Variants in LRRC34 observed in about 807,000 individuals in gnomAD.
The protein encoded by LRRC34 is leucine-rich repeat-containing protein 34.
LRRC34 carries 44 observed loss-of-function variants against 48.5 expected under a neutral mutation model. The ratio of observed to expected loss-of-function variants is 0.91; its 90% CI spans 0.71 to 1.17. The LOEUF is 1.17. Among genes scored for constraint, LRRC34 ranks in the 50% most tolerant of loss-of-function variants. LRRC34 has a pLI of 0.00. For missense variants in LRRC34, 502 were observed against 563.0 expected (o/e 0.89, Z 1.10); for synonymous variants, 192 against 197.6 (o/e 0.97, Z 0.24).
intron 7 of LRRC34, among the ~76,000 whole-genome samples, chr3:169,800,159 C>T (rs755873200): frequency 6.6e-6 from 1 of 151,996 alleles, no homozygotes; most frequent in Non-Finnish European, 1.5e-5. Context: ...AGAAAGCCAC[C>T]CAGAAGGAGA....
intron 7 of LRRC34, among the ~76,000 whole-genome samples, chr3:169,798,006 T>C (rs1352866255): frequency 6.6e-6 from 1 of 152,218 alleles, no homozygotes; most frequent in African/African-American, 2.4e-5. Context: ...TTTGCTGAAA[T>C]TGCTTTGACA....
Position 169,812,838 on chromosome 3 carries a change from C to T in LRRC34, c.-290G>A. 1 of 407,174 alleles carries T rather than the reference C, an allele frequency of 2.5e-6. No individual in the cohort carries two copies. The highest frequency in any genetic ancestry group is 4.4e-6 in the Non-Finnish European group (1 of 228,930). 25.2% of individuals were successfully genotyped at this position (407,174 alleles called of 1,614,324 possible). ...AAGAAGATTATGACAAAGCCCGCTC[C>T]TACAAAGTGTGCACCGGCCTGCCGG... On this transcript the variant is annotated 5_prime_UTR_variant, in exon 1 of 11. Coordinates refer to ENST00000446859, the MANE Select transcript of LRRC34 (RefSeq NM_001172779.2). The surrounding 1 kb of genome is among the most constrained non-coding windows in gnomAD (Gnocchi z 4.3).
chr3:169,801,435 C>G (rs1214022400), intron 6 of LRRC34, among the ~76,000 whole-genome samples: 1 of 152,204 alleles, frequency 6.6e-6, no homozygotes, highest in Non-Finnish European at 1.5e-5. Context: ...CTCACCTGGA[C>G]TACTAAGTGG....
intron 6 of LRRC34, among the ~76,000 whole-genome samples, chr3:169,802,973 G>C (rs561753083): frequency 1.0e-4 from 15 of 150,734 alleles, no homozygotes; most frequent in African/African-American, 3.7e-4. Context: ...GTGAGACTCT[G>C]TCTCCAAAAA....
chr3:169,796,457 TTC>T (rs1778993086), intron 8 of LRRC34, 88 bp from the exon 9 acceptor site: 8 of 1,409,670 alleles, frequency 5.7e-6, no homozygotes, highest in Non-Finnish European at 7.7e-6. Context: ...AAACAGTACT[TTC>T]TGTTTTAGTA....
At chr3:169,800,801 A>G in intron 6 of LRRC34, 47 bp from the exon 7 acceptor site, 1 of 1,152,734 alleles carries the variant, frequency 8.7e-7, no homozygotes, top group Non-Finnish European at 1.2e-6. Context: ...GTATATAATA[A>G]TCTCGCTACA....
In LRRC34 at chr3:169,797,025, A is replaced by C. The variant is rs995389938; in HGVS notation, c.754-126T>G. 6 of 668,928 alleles carry C rather than the reference A, an allele frequency of 9.0e-6. No homozygotes were observed. In the Admixed American group the frequency reaches 1.7e-4, roughly 19 times the overall value. 41.4% of individuals were successfully genotyped at this position (668,928 alleles called of 1,614,324 possible). A position where few individuals can be genotyped will look rare whatever the true frequency, so the allele number is the denominator to read the frequency against. ...ATATTGGTTAAAACTGTTAGTCCACAATTTGCATTTGTTTGGTCTATCTTT... is the reference window on the plus strand; with the variant it reads ...ATATTGGTTAAAACTGTTAGTCCACCATTTGCATTTGTTTGGTCTATCTTT... On this transcript the variant is annotated intron_variant, in intron 7 of 10. Transcript: ENST00000446859.
intron 7 of LRRC34, among the ~76,000 whole-genome samples, chr3:169,797,631 T>A (rs1486836400): frequency 1.3e-5 from 2 of 152,234 alleles, no homozygotes; most frequent in African/African-American, 4.8e-5. Flanking sequence ...GATTGCTGTA[T>A]AACATAATAA....
chr3:169,811,670 T>A (rs1009704148), intron 1 of LRRC34, among the ~76,000 whole-genome samples: 1 of 152,194 alleles, frequency 6.6e-6, no homozygotes, highest in Non-Finnish European at 1.5e-5. Context: ...AAACATGCTT[T>A]TCTATACTTA....
rs770568612 is a variant in LRRC34, at chr3:169,808,664, T to C, written c.221A>G (p.His74Arg). ...KSQKINPFIL[H>R]ILQEVDEEIK... ...TTCTTCATCCACTTCTTGGAGTATA[T>C]GCAATATAAAAGGATTAATTTTCTG... The change falls in exon 2 of 11, where the codon CAT becomes CGT. Residue 74 changes from histidine (H) to arginine (R), a missense_variant. His to Arg is a conservative substitution (Grantham distance 29). Transcript: ENST00000446859. 1.3e-6 allele frequency: 2 copies of C among 1,573,172 alleles called. No individual in the cohort carries two copies.
chr3:169,795,825 T>G, intron 9 of LRRC34: 1 of 1,233,294 alleles, frequency 8.1e-7, no homozygotes, highest in Non-Finnish European at 1.0e-6. Context: ...GTCTTCTGTT[T>G]TATATTATTC....
At chr3:169,800,262 C>G (rs1324815804) in intron 7 of LRRC34, among the ~76,000 whole-genome samples, 1 of 152,148 alleles carries the variant, frequency 6.6e-6, no homozygotes, top group Non-Finnish European at 1.5e-5. Flanking sequence ...GCTTTTATTA[C>G]TCATGATTTC....
chr3:169,806,968 T>C (rs1484013584), intron 4 of LRRC34, 37 bp from the exon 5 acceptor site: 1 of 1,315,838 alleles, frequency 7.6e-7, no homozygotes, highest in South Asian at 1.2e-5. Context: ...ATTATTATTA[T>C]TGGAAATTGG....
At chr3:169,808,207 G>A (rs920595025) in intron 2 of LRRC34, 6 of 155,528 alleles carry the variant, frequency 3.9e-5, no homozygotes, top group South Asian at 2.0e-4. Context: ...CCAGCTGCTC[G>A]GGAGGCCAAG....
At chr3:169,797,040 G>T in intron 7 of LRRC34, 141 bp from the exon 8 acceptor site, 2 of 558,176 alleles carry the variant, frequency 3.6e-6, no homozygotes, top group African/African-American at 2.0e-5. Context: ...GCATTTGTTT[G>T]GTCTATCTTT....
intron 8 of LRRC34, 149 bp downstream of exon 8, chr3:169,796,596 T>A: frequency 1.0e-6 from 1 of 973,970 alleles, no homozygotes; most frequent in Non-Finnish European, 1.5e-6. Flanking sequence ...GTATTAAATA[T>A]TAAAGCTTAG....
intron 8 of LRRC34, 134 bp from the exon 9 acceptor site, chr3:169,796,503 G>A: frequency 9.0e-7 from 1 of 1,107,274 alleles, no homozygotes; most frequent in Middle Eastern, 2.9e-4. Flanking sequence ...TTCCAAGAAA[G>A]TTAATGAAAA....
Position 169,807,647 on chromosome 3 carries a change from A to C in LRRC34, c.320T>G (p.Val107Gly). The part of the protein sequence containing the change: ...GNNRLVPVER[V>G]TGEDFWILSK... ...AAGAATCCAAAAATCTTCACCTGTA[A>C]CTCTTTCTACTGGCACTAAGCGATT... The change falls in exon 3 of 11, where the codon GTT (valine) becomes GGT (glycine). Residue 107 changes from valine (V) to glycine (G), a missense_variant. Physicochemically the swap from Val to Gly is moderately radical, Grantham distance 109. Transcript: ENST00000446859. 6.2e-7 allele frequency: 1 copy of C among 1,609,408 alleles called. No individual in the cohort carries two copies. The highest frequency in any genetic ancestry group is 2.2e-5 in the East Asian group (1 of 44,714).
At chr3:169,807,558 C>T (rs2108244842) in intron 3 of LRRC34, 30 bp downstream of exon 3, 1 of 1,612,024 alleles carries the variant, frequency 6.2e-7, no homozygotes, top group South Asian at 1.1e-5. Context: ...CAATGAAAAG[C>T]AGGAGGTATT....
Sources: gnomAD v4.1 joint callset for allele counts (sites outside exome capture counted in the v4.1 genomes callset) on GRCh38, gnomAD v4.1.1 for gene constraint, Gnocchi (gnomAD v3.1) non-coding constraint, MANE v1.5 for transcripts, NCBI Gene and HGNC (gene_info 2026-07-23, HGNC 2026-07-21) for gene names.